The following TGFB2 variants were observed in gnomAD, a reference collection of about 807,000 sequenced individuals.
TGFB2 encodes the protein transforming growth factor beta 2.
TGFB2 carries 13 observed loss-of-function variants against 42.7 expected under a neutral mutation model. The observed-to-expected ratio is 0.30, with a 90% CI of 0.20 to 0.48. The LOEUF is 0.48. Among genes scored for constraint, TGFB2 ranks in the 20% least tolerant of loss-of-function variants. The pLI, the probability that TGFB2 is intolerant of heterozygous loss-of-function variation, is 0.99. For missense variants in TGFB2, 390 were observed against 517.5 expected (o/e 0.75, Z 2.39); for synonymous variants, 193 against 193.6 (o/e 1.00, Z 0.03).
Position 218,437,544 on chromosome 1 carries a change from C to T in TGFB2, c.1086+48C>T, listed in dbSNP as rs1571904387. 16 of 1,543,200 alleles carry T rather than the reference C, an allele frequency of 1.0e-5. No homozygotes were observed. The East Asian group carries it at 3.5e-4, about 33-fold the overall frequency. ...GCCTCTGTTCTTGGGTTACCATGTG[C>T]ACCTGCTGATAGTATTTCCAAATGA... On this transcript the variant is annotated intron_variant, in intron 6 of 6. Transcript: ENST00000366930.
chr1:218,377,083 G>A (rs529494586), intron 1 of TGFB2, among the ~76,000 whole-genome samples: 2 of 152,170 alleles, frequency 1.3e-5, no homozygotes, highest in South Asian at 2.1e-4. Flanking sequence ...AATTTTTATA[G>A]AGATGAGGTC....
intron 1 of TGFB2, among the ~76,000 whole-genome samples, chr1:218,381,262 T>TTG (rs1657951490): frequency 6.7e-6 from 1 of 150,064 alleles, no homozygotes; most frequent in South Asian, 2.1e-4. Flanking sequence ...GTTTTTGTTT[T>TTG]TTTTTTTTTT....
intron 1 of TGFB2, among the ~76,000 whole-genome samples, chr1:218,359,634 T>C (rs967351071): frequency 1.3e-5 from 2 of 152,230 alleles, no homozygotes; most frequent in East Asian, 1.9e-4. Context: ...TGAATTGTTA[T>C]ACATTTGGAT....
At chr1:218,422,631 A>T (rs747687293) in intron 2 of TGFB2, among the ~76,000 whole-genome samples, 33 of 152,174 alleles carry the variant, frequency 2.2e-4, no homozygotes, top group Non-Finnish European at 4.4e-4. Context: ...TCTCTACAGG[A>T]AATCTTCCCT....
chr1:218,390,348 A>G (rs1658279218), intron 1 of TGFB2, among the ~76,000 whole-genome samples: 2 of 152,094 alleles, frequency 1.3e-5, no homozygotes, highest in African/African-American at 4.8e-5. Context: ...AGAAAAAAAA[A>G]AACAGCTTAT....
At position 218,442,250 on chromosome 1, in the gene TGFB2, T is replaced by C. The variant is rs1660178006; in HGVS notation, c.*888T>C. The C allele has an allele frequency of 6.6e-6, 1 of 152,104 alleles. No homozygotes were observed. The highest frequency in any genetic ancestry group is 6.6e-5 in the Admixed American group (1 of 15,260). The allele number at this position is 152,104 out of a possible 1,614,324, so 9.4% of individuals were successfully genotyped here. A position where few individuals can be genotyped will look rare whatever the true frequency, so the allele number is the denominator to read the frequency against. ...CATGTACTGGTCAAACTTCAGACCT[T>C]AAAATATTGCTGTATAGCTATGCTA... On this transcript the variant is annotated 3_prime_UTR_variant, in exon 7 of 7. Coordinates refer to ENST00000366930, the MANE Select transcript of TGFB2 (RefSeq NM_003238.6).
chr1:218,385,113 C>T (rs963957154), intron 1 of TGFB2, among the ~76,000 whole-genome samples: 1 of 152,078 alleles, frequency 6.6e-6, no homozygotes, highest in Non-Finnish European at 1.5e-5. Flanking sequence ...ATTTTTTCCC[C>T]CTCTCTTACT....
At chr1:218,397,563 CAAAAA>C (rs759635592) in intron 1 of TGFB2, among the ~76,000 whole-genome samples, 1 of 91,384 alleles carries the variant, frequency 1.1e-5, no homozygotes, top group Admixed American at 1.1e-4. Context: ...GACTCCGTCT[CAAAAA>C]AAAAAAAAAA....
intron 2 of TGFB2, among the ~76,000 whole-genome samples, chr1:218,419,726 A>C (rs1228957112): frequency 6.6e-6 from 1 of 152,196 alleles, no homozygotes; most frequent in Non-Finnish European, 1.5e-5. Flanking sequence ...ATTTGTTTTA[A>C]AGATATCTAA....
intron 2 of TGFB2, among the ~76,000 whole-genome samples, chr1:218,428,101 T>C (rs1659685492): frequency 6.6e-6 from 1 of 152,266 alleles, no homozygotes; most frequent in South Asian, 2.1e-4. Context: ...TGAGCATTTT[T>C]TCATGTATCT....
In TGFB2 at chr1:218,437,656, G is replaced by A. The variant is rs151030771; in HGVS notation, c.1086+160G>A. Among the ~76,000 whole-genome samples, 6 of 152,118 alleles carry A rather than the reference G, an allele frequency of 3.9e-5. No individual in the cohort carries two copies. In the East Asian group the frequency reaches 7.7e-4, roughly 20 times the overall value. On this transcript the variant is annotated intron_variant, in intron 6 of 6. Transcript: ENST00000366930. ...TCATTAGGTTGGTGCAAAAGTATTC[G>A]CAGTTTTTGCCATTGAAAATAATGG...
intron 4 of TGFB2, among the ~76,000 whole-genome samples, chr1:218,435,260 CA>C (rs1388573447): frequency 2.0e-5 from 3 of 152,116 alleles, no homozygotes; most frequent in Non-Finnish European, 2.9e-5. Flanking sequence ...AAAATACTCC[CA>C]GAGGTCTAGA....
intron 1 of TGFB2, among the ~76,000 whole-genome samples, chr1:218,388,916 C>G (rs1173558406): frequency 6.6e-6 from 1 of 152,180 alleles, no homozygotes; most frequent in Non-Finnish European, 1.5e-5. Flanking sequence ...TTGGCCTTCT[C>G]AGCTGAATGT....
intron 1 of TGFB2, among the ~76,000 whole-genome samples, chr1:218,363,946 C>T (rs1167500320): frequency 6.6e-6 from 1 of 152,122 alleles, no homozygotes; most frequent in African/African-American, 2.4e-5. Context: ...GCCTTGAATG[C>T]GGCCCAATGT....
chr1:218,415,806 C>A (rs1240913925), intron 2 of TGFB2, among the ~76,000 whole-genome samples: 1 of 148,366 alleles, frequency 6.7e-6, no homozygotes, highest in African/African-American at 2.5e-5. Flanking sequence ...AGTTTTTCAT[C>A]TGAAACTGGA....
intron 2 of TGFB2, among the ~76,000 whole-genome samples, chr1:218,412,017 C>G (rs1236592002): frequency 1.3e-5 from 2 of 152,170 alleles, no homozygotes; most frequent in East Asian, 3.8e-4. Flanking sequence ...GAAGTTGCAG[C>G]CATCTTTAAT....
chr1:218,430,660 T>G (rs1659777863), intron 2 of TGFB2, among the ~76,000 whole-genome samples: 1 of 152,182 alleles, frequency 6.6e-6, no homozygotes, highest in Admixed American at 6.5e-5. Flanking sequence ...AAATGGGAGA[T>G]AAACAGAGGA....
intron 1 of TGFB2, among the ~76,000 whole-genome samples, chr1:218,347,954 T>C (rs548841143): frequency 6.6e-6 from 1 of 150,468 alleles, no homozygotes; most frequent in African/African-American, 2.5e-5. Context: ...TTTTTTTTAC[T>C]GGCTTCTCTG....
chr1:218,413,536 C>T (rs1659167566), intron 2 of TGFB2, among the ~76,000 whole-genome samples: 1 of 152,234 alleles, frequency 6.6e-6, no homozygotes, highest in Non-Finnish European at 1.5e-5. Context: ...CCACCGCTAG[C>T]ATGGCAAAGG....
Sources: allele counts gnomAD v4.1 joint callset (sites outside exome capture counted in the v4.1 genomes callset), GRCh38; gene constraint gnomAD v4.1.1; transcripts MANE v1.5; gene names NCBI Gene and HGNC (gene_info 2026-07-23, HGNC 2026-07-21).